POLN: variants seen among roughly 807,000 people sequenced by gnomAD.
POLN encodes the protein DNA polymerase nu.
POLN carries 108 observed loss-of-function variants against 113.5 expected under a neutral mutation model. The ratio of observed to expected loss-of-function variants is 0.95; its 90% CI spans 0.81 to 1.12. The LOEUF is 1.12. Among genes scored for constraint, POLN ranks in the 50% most tolerant of loss-of-function variants. The pLI, the probability that POLN is intolerant of heterozygous loss-of-function variation, is 0.00. For missense variants in POLN, 1,097 were observed against 1,077.1 expected (o/e 1.02, Z -0.26); for synonymous variants, 386 against 391.5 (o/e 0.99, Z 0.17).
chr4:2,091,993 T>C (rs1730678412), intron 20 of POLN, among the ~76,000 whole-genome samples: 1 of 152,014 alleles, frequency 6.6e-6, no homozygotes, highest in Non-Finnish European at 1.5e-5. Flanking sequence ...AGACCTGACA[T>C]TGAATCCTAC....
intron 16 of POLN, among the ~76,000 whole-genome samples, chr4:2,139,153 G>C (rs1274765790): frequency 5.3e-5 from 8 of 152,196 alleles, no homozygotes; most frequent in African/African-American, 1.9e-4. Context: ...CAGAGGGGAA[G>C]GGCAGAGCCA....
chr4:2,072,025 G>T lies in POLN; in HGVS notation c.*89C>A. ...CACCCCAGCCCCAAAGGGTTAATGC[G>T]TCCTGGGGCGTACAGAGCTGGTGAC... On this transcript the variant is annotated 3_prime_UTR_variant, in exon 26 of 26. Transcript: ENST00000511885. The T allele has an allele frequency of 6.9e-7, 1 of 1,450,052 alleles. No homozygotes were observed. The allele number at this position is 1,450,052 out of a possible 1,614,324, so 89.8% of individuals were successfully genotyped here. A position where few individuals can be genotyped will look rare whatever the true frequency, so the allele number is the denominator to read the frequency against.
rs758097997 is a variant in POLN, at chr4:2,130,923, T to C, written c.1789+310A>G. On this transcript the variant is annotated intron_variant, in intron 17 of 25. Transcript: ENST00000511885. ...AGGGCACACTGGCTCACACCTGTAA[T>C]CCCAGCACTTTGGGAGGCCAAGGTG... Among the ~76,000 whole-genome samples, 85 of 152,216 alleles carry C rather than the reference T, an allele frequency of 5.6e-4. 1 individual carries two copies. The highest frequency in any genetic ancestry group is 1.8e-4 in the Non-Finnish European group (12 of 68,040).
intron 20 of POLN, among the ~76,000 whole-genome samples, chr4:2,092,130 G>T (rs1730681425): frequency 6.6e-6 from 1 of 152,170 alleles, no homozygotes; most frequent in African/African-American, 2.4e-5. Context: ...TGCACTGATG[G>T]CACAGTGCTG....
In POLN at chr4:2,208,045, G is replaced by T. The variant is rs1733896089; in HGVS notation, c.656C>A (p.Ala219Glu). 2 of 1,614,174 alleles carry T rather than the reference G, an allele frequency of 1.2e-6. No individual in the cohort carries two copies. The highest frequency in any genetic ancestry group is 1.7e-6 in the Non-Finnish European group (2 of 1,180,022). ...ATACATCACAGTTATCACCAGGGCT[G>T]CTGCCTGTTTGAGCATTTCAATCAG... The part of the protein sequence containing the change: ...SQLIEMLKQA[A>E]ALVITVMYTD... The change falls in exon 5 of 26, where the codon GCA becomes GAA. Residue 219 changes from alanine (A) to glutamate (E), a missense_variant. Transcript: ENST00000511885.
intron 2 of POLN, chr4:2,241,097 G>A: frequency 1.7e-6 from 1 of 603,304 alleles, no homozygotes. Flanking sequence ...ATTCCTCCTA[G>A]GGGGGAAGAA....
At chr4:2,174,466 G>A (rs143984755) in intron 10 of POLN, among the ~76,000 whole-genome samples, 163 of 152,282 alleles carry the variant, frequency 1.1e-3, no homozygotes, top group African/African-American at 3.8e-3. Flanking sequence ...CAGCACAGAA[G>A]GGATCCCATA....
chr4:2,214,100 G>A (rs1404902652), intron 3 of POLN, among the ~76,000 whole-genome samples: 1 of 152,132 alleles, frequency 6.6e-6, no homozygotes, highest in Non-Finnish European at 1.5e-5. Context: ...GCCAGGTGTG[G>A]TGGCAAGCAC....
At chr4:2,072,753 AG>A (rs756513886) in intron 25 of POLN, among the ~76,000 whole-genome samples, 1 of 152,188 alleles carries the variant, frequency 6.6e-6, no homozygotes, top group Non-Finnish European at 1.5e-5. Flanking sequence ...GGAGGGGTCC[AG>A]CCCCGGCTGC....
chr4:2,086,200 T>C (rs1730546214), intron 20 of POLN, among the ~76,000 whole-genome samples: 1 of 152,150 alleles, frequency 6.6e-6, no homozygotes, highest in South Asian at 2.1e-4. Context: ...GGGCCAGGCA[T>C]GTGGTGGCTC....
At chr4:2,203,303 C>T (rs976313736) in intron 5 of POLN, among the ~76,000 whole-genome samples, 1 of 151,964 alleles carries the variant, frequency 6.6e-6, no homozygotes, top group Non-Finnish European at 1.5e-5. Flanking sequence ...CAAACTGGGC[C>T]GGGCGCGGTG....
chr4:2,172,646 C>T (rs1000121252), intron 11 of POLN, among the ~76,000 whole-genome samples: 1 of 152,134 alleles, frequency 6.6e-6, no homozygotes, highest in Non-Finnish European at 1.5e-5. Flanking sequence ...TATAGCCTCA[C>T]CAAAATGGCT....
rs554375182 is a variant in POLN, at chr4:2,087,701, A to C, written c.2066-1957T>G. Among the ~76,000 whole-genome samples, 3 of 152,270 alleles carry C rather than the reference A, an allele frequency of 2.0e-5. No individual in the cohort carries two copies. In the East Asian group the frequency reaches 5.8e-4, roughly 29 times the overall value. On this transcript the variant is annotated intron_variant, in intron 20 of 25. Transcript: ENST00000511885. ...CTGGGTCATCTCAGGATCTGTTTCC[A>C]TGATTGCCTTCTCTCTTGAGTATGG...
chr4:2,177,159 C>T, intron 8 of POLN: 1 of 284,138 alleles, frequency 3.5e-6, no homozygotes, highest in African/African-American at 2.3e-5. Flanking sequence ...TGGCTGCCTG[C>T]AGGAGCCTTC....
At chr4:2,149,857 G>C (rs922055091) in intron 16 of POLN, among the ~76,000 whole-genome samples, 2 of 151,950 alleles carry the variant, frequency 1.3e-5, no homozygotes, top group South Asian at 2.1e-4. Flanking sequence ...GCCAAGGAGG[G>C]CGGATCACGA....
chr4:2,184,240 C>A (rs1286354177), intron 7 of POLN, among the ~76,000 whole-genome samples: 1 of 135,510 alleles, frequency 7.4e-6, no homozygotes, highest in African/African-American at 3.0e-5. Context: ...TCTAGTAAAA[C>A]ACTAGACTTT....
chr4:2,207,176 C>A (rs920934386), intron 5 of POLN, among the ~76,000 whole-genome samples: 1 of 152,088 alleles, frequency 6.6e-6, no homozygotes, highest in African/African-American at 2.4e-5. Flanking sequence ...TATGTTCTTA[C>A]TTATAGGTGG....
chr4:2,190,571 A>G (rs1051527607), intron 7 of POLN, among the ~76,000 whole-genome samples: 3 of 152,196 alleles, frequency 2.0e-5, no homozygotes, highest in Admixed American at 6.5e-5. Flanking sequence ...CAGCAAAGGA[A>G]ACAATAGAGT....
At chr4:2,207,169 G>A (rs1406524674) in intron 5 of POLN, among the ~76,000 whole-genome samples, 5 of 152,210 alleles carry the variant, frequency 3.3e-5, no homozygotes, top group Admixed American at 3.3e-4. Context: ...AACATTGTAT[G>A]TTCTTACTTA....
Sources: allele counts gnomAD v4.1 joint callset (sites outside exome capture counted in the v4.1 genomes callset), GRCh38; gene constraint gnomAD v4.1.1; transcripts MANE v1.5; gene names NCBI Gene and HGNC (gene_info 2026-07-23, HGNC 2026-07-21).